Variants in SOX5 observed in about 807,000 individuals in gnomAD.
The protein encoded by SOX5 is transcription factor SOX-5.
SOX5 carries 9 observed loss-of-function variants against 92.0 expected under a neutral mutation model. The observed-to-expected ratio is 0.10, with a 90% CI of 0.06 to 0.17. The LOEUF (loss-of-function observed/expected upper bound fraction) is 0.17, where lower values mean the gene tolerates loss of function less well. Ranked by LOEUF, SOX5 falls within the 10% of genes least tolerant of loss-of-function variation. The pLI, the probability that SOX5 is intolerant of heterozygous loss-of-function variation, is 1.00. For synonymous variants in SOX5, 344 were observed against 336.3 expected (o/e 1.02, Z -0.25); for missense variants, 642 against 944.5 (o/e 0.68, Z 4.20).
chr12:24,026,346 T>A (rs1393267790), intron 4 of SOX5, among the ~76,000 whole-genome samples: 3 of 152,124 alleles, frequency 2.0e-5, no homozygotes, highest in African/African-American at 7.2e-5. Context: ...AAGAACTTTT[T>A]AAAAAAATTC....
intron 3 of SOX5, among the ~76,000 whole-genome samples, chr12:23,808,563 T>C (rs1196632048): frequency 6.6e-6 from 1 of 152,178 alleles, no homozygotes. Context: ...AAATATTTCA[T>C]ACTTAAATAA....
intron 1 of SOX5, among the ~76,000 whole-genome samples, chr12:24,549,902 T>G (rs11047492): frequency 0.31 from 47,342 of 151,960 alleles, 8,849 homozygotes; most frequent in East Asian, 0.81. Context: ...AGATACTAGT[T>G]TGGGGAACTT....
At chr12:23,944,577 G>A (rs1944234222) in intron 1 of SOX5, among the ~76,000 whole-genome samples, 1 of 152,110 alleles carries the variant, frequency 6.6e-6, no homozygotes, top group South Asian at 2.1e-4. Context: ...GAAGGAATAT[G>A]TGGCATTCTC....
intron 4 of SOX5, among the ~76,000 whole-genome samples, chr12:24,145,746 A>G (rs1444808712): frequency 3.3e-5 from 5 of 152,194 alleles, no homozygotes; most frequent in Non-Finnish European, 7.4e-5. Context: ...AGTGCAAGCA[A>G]TCTGCCTCCC....
intron 3 of SOX5, among the ~76,000 whole-genome samples, chr12:23,826,120 C>T (rs1017797049): frequency 9.2e-5 from 14 of 151,860 alleles, no homozygotes; most frequent in Non-Finnish European, 2.9e-5. Context: ...GTGTGCTGCA[C>T]CCAGTAACTC....
chr12:23,758,032 AAAAG>A (rs2094451833), intron 3 of SOX5, among the ~76,000 whole-genome samples: 1 of 150,930 alleles, frequency 6.6e-6, no homozygotes, highest in African/African-American at 2.4e-5. Context: ...AAAAAAAAAA[AAAAG>A]AATAACTTCT....
chr12:23,804,922 TATATATATATA>T (rs1198753584), intron 3 of SOX5, among the ~76,000 whole-genome samples: 3 of 7,232 alleles, frequency 4.1e-4, no homozygotes, highest in African/African-American at 1.5e-3. Flanking sequence ...GTTTTATATA[TATATATATATA>T]TATATATATA....
chr12:23,997,568 G>A (rs991024010), intron 4 of SOX5, among the ~76,000 whole-genome samples: 2 of 152,184 alleles, frequency 1.3e-5, no homozygotes, highest in Non-Finnish European at 2.9e-5. Flanking sequence ...AGATCGTGGA[G>A]AGATTCCTAG....
At chr12:23,536,719 C>T (rs1940550918) in intron 13 of SOX5, 50 bp from the exon 14 acceptor site, 2 of 1,380,368 alleles carry the variant, frequency 1.4e-6, no homozygotes, top group African/African-American at 1.4e-5. Context: ...TCTAAGCATT[C>T]CAGAAAGTGA....
In SOX5 at chr12:24,393,903, C is replaced by T. The variant is rs1023770236; in HGVS notation, c.-250-25264G>A. ...AATTTTACATAGAATGGTTTGTATG[C>T]ACACCTACATGAAGATAAAGATGGC... On this transcript the variant is annotated intron_variant, in intron 1 of 4. Transcript: ENST00000446891. This position sits in a 1 kb window ranked among gnomAD's most constrained non-coding sequence, Gnocchi z 5.0. Among the ~76,000 whole-genome samples the T allele has an allele frequency of 6.6e-6, 1 of 152,148 alleles. No individual in the cohort carries two copies. Among genetic ancestry groups the T allele is most frequent in the African/African-American group, 2.4e-5 (1 of 41,434 alleles).
chr12:23,988,770 T>C (rs1158004492), intron 4 of SOX5, among the ~76,000 whole-genome samples: 1 of 151,986 alleles, frequency 6.6e-6, no homozygotes, highest in African/African-American at 2.4e-5. Context: ...GGGAATTAAG[T>C]GAAGTTAGAG....
chr12:24,216,143 G>C (rs1035137648), intron 3 of SOX5, among the ~76,000 whole-genome samples: 2 of 152,182 alleles, frequency 1.3e-5, no homozygotes, highest in African/African-American at 2.4e-5. Flanking sequence ...GGTGGCACAG[G>C]GTTGTTGCCA....
In SOX5 at chr12:23,691,710, T is replaced by C. The variant is rs376959647; in HGVS notation, c.811-26146A>G. On this transcript the variant is annotated intron_variant, in intron 6 of 14. Coordinates refer to ENST00000451604, the MANE Select transcript of SOX5 (RefSeq NM_006940.6). ...TAAATGTTTGCTATAGCTGAATTTATGTCTTCTTTTTTATTCTTTGTATTA... is the reference window on the plus strand; with the variant it reads ...TAAATGTTTGCTATAGCTGAATTTACGTCTTCTTTTTTATTCTTTGTATTA... 5.4e-4 allele frequency among the ~76,000 whole-genome samples: 82 copies of C among 152,322 alleles called. 2 individuals carry two copies. In the South Asian group the frequency reaches 0.013, roughly 23 times the overall value.
chr12:24,110,494 T>C (rs1036256451), intron 4 of SOX5, among the ~76,000 whole-genome samples: 3 of 152,202 alleles, frequency 2.0e-5, no homozygotes, highest in Admixed American at 2.0e-4. Context: ...CATTTCATTA[T>C]GATCCAGATA....
intron 2 of SOX5, among the ~76,000 whole-genome samples, chr12:24,334,420 A>C (rs1192870098): frequency 6.6e-6 from 1 of 152,210 alleles, no homozygotes; most frequent in Non-Finnish European, 1.5e-5. Context: ...TTCACAGACT[A>C]GGAAATACAA....
In SOX5 at chr12:24,316,749, G is replaced by C. The variant is rs538406377; in HGVS notation, c.-173-39437C>G. ...AAATTTTTTTAAGTTAAAAAATAGA[G>C]GCTTCCTTTAAAAAGCATTCCTTAT... On this transcript the variant is annotated intron_variant, in intron 2 of 4. Transcript: ENST00000446891. 8.5e-5 allele frequency among the ~76,000 whole-genome samples: 13 copies of C among 152,174 alleles called. No homozygotes were observed. The South Asian group carries it at 2.7e-3, about 32-fold the overall frequency.
At chr12:24,296,802 G>T (rs571793001) in intron 2 of SOX5, among the ~76,000 whole-genome samples, 3 of 140,350 alleles carry the variant, frequency 2.1e-5, no homozygotes, top group South Asian at 4.9e-4. Flanking sequence ...TCTGTAATCG[G>T]CAGATACATT....
intron 4 of SOX5, among the ~76,000 whole-genome samples, chr12:24,184,450 A>G (rs896696846): frequency 3.9e-5 from 6 of 152,166 alleles, no homozygotes; most frequent in Non-Finnish European, 7.4e-5. Flanking sequence ...CACAGGATAA[A>G]AGAGAAATGA....
At chr12:24,265,256 A>T (rs932460093) in intron 3 of SOX5, among the ~76,000 whole-genome samples, 1 of 152,220 alleles carries the variant, frequency 6.6e-6, no homozygotes, top group Admixed American at 6.5e-5. Flanking sequence ...CTGTCATTAG[A>T]AATAATATGG....
Sources: gnomAD v4.1 joint callset for allele counts (sites outside exome capture counted in the v4.1 genomes callset) on GRCh38, gnomAD v4.1.1 for gene constraint, Gnocchi (gnomAD v3.1) non-coding constraint, MANE v1.5 for transcripts, NCBI Gene and HGNC (gene_info 2026-07-23, HGNC 2026-07-21) for gene names.